Variants in GRM5 observed in about 807,000 individuals in gnomAD.
GRM5 encodes glutamate metabotropic receptor 5.
In GRM5, 19 loss-of-function variants were observed where a neutral mutation model predicts 83.1. The observed-to-expected ratio is 0.23, with a 90% CI of 0.16 to 0.34. The LOEUF (loss-of-function observed/expected upper bound fraction) is 0.34, where lower values mean the gene tolerates loss of function less well. GRM5 is among the 10% of genes least tolerant of loss of function. The pLI is 1.00. For synonymous variants in GRM5, 675 were observed against 633.6 expected (o/e 1.07, Z -0.98); for missense variants, 1,160 against 1,588.3 (o/e 0.73, Z 4.58).
intron 3 of GRM5, among the ~76,000 whole-genome samples, chr11:88,775,337 T>C (rs553115628): frequency 6.6e-6 from 1 of 152,272 alleles, no homozygotes; most frequent in Non-Finnish European, 1.5e-5. Flanking sequence ...CTTTTCTCCT[T>C]TACTTGTCTT....
intron 2 of GRM5, among the ~76,000 whole-genome samples, chr11:89,011,737 A>G (rs1443615611): frequency 3.3e-5 from 5 of 152,212 alleles, no homozygotes; most frequent in Admixed American, 6.5e-5. Context: ...TGAATTGATT[A>G]TTAGGGGCCA....
At chr11:88,536,548 C>T (rs79561258) in intron 8 of GRM5, among the ~76,000 whole-genome samples, 2 of 152,216 alleles carry the variant, frequency 1.3e-5, no homozygotes, top group East Asian at 3.9e-4. Context: ...GTATCCACTC[C>T]CCCTTTGTAC....
At chr11:89,014,620 C>T (rs1396943573) in intron 2 of GRM5, among the ~76,000 whole-genome samples, 3 of 152,110 alleles carry the variant, frequency 2.0e-5, no homozygotes, top group African/African-American at 7.2e-5. Flanking sequence ...GATAGCACAA[C>T]AGGGTGACTA....
intron 2 of GRM5, among the ~76,000 whole-genome samples, chr11:88,852,768 G>T (rs189683510): frequency 2.2e-4 from 34 of 152,100 alleles, no homozygotes; most frequent in African/African-American, 5.5e-4. Flanking sequence ...TTTAACAAAA[G>T]AAATCCTTTG....
intron 4 of GRM5, among the ~76,000 whole-genome samples, chr11:88,611,291 T>C (rs1242581415): frequency 2.6e-5 from 4 of 152,208 alleles, no homozygotes; most frequent in African/African-American, 9.7e-5. Flanking sequence ...ATAGGACTGA[T>C]ACTAGCTCTT....
intron 8 of GRM5, among the ~76,000 whole-genome samples, chr11:88,553,481 T>G (rs1942558056): frequency 6.6e-6 from 1 of 152,132 alleles, no homozygotes; most frequent in Non-Finnish European, 1.5e-5. Context: ...CAGAGCACAA[T>G]GTCTGGTGTG....
chr11:89,033,133 TTAAC>T (rs1206767445), intron 2 of GRM5, among the ~76,000 whole-genome samples: 1 of 152,042 alleles, frequency 6.6e-6, no homozygotes, highest in Non-Finnish European at 1.5e-5. Flanking sequence ...ACAAAGTGCA[TTAAC>T]TGATTATTCA....
chr11:88,689,045 C>A (rs1940715823), intron 3 of GRM5, among the ~76,000 whole-genome samples: 1 of 152,028 alleles, frequency 6.6e-6, no homozygotes, highest in African/African-American at 2.4e-5. Flanking sequence ...CTCACAGAAT[C>A]TAGTACAGTA....
At position 88,570,475 on chromosome 11, in the gene GRM5, G is replaced by C. The variant is rs150361883; in HGVS notation, c.1691-2483C>G. On this transcript the variant is annotated intron_variant, in intron 7 of 9. Coordinates refer to ENST00000305447, the MANE Select transcript of GRM5 (RefSeq NM_001143831.3). ...TTGGAATTCAACCTCTGATACTTTAGTATGCCATAGAGTTTAGGCTTATAT... is the reference window on the plus strand; with the variant it reads ...TTGGAATTCAACCTCTGATACTTTACTATGCCATAGAGTTTAGGCTTATAT... Among the ~76,000 whole-genome samples the C allele has an allele frequency of 1.8e-3, 255 of 144,434 alleles. 1 individual carries two copies. Among genetic ancestry groups the C allele is most frequent in the African/African-American group, 6.2e-3 (238 of 38,392 alleles). 94.8% of individuals were successfully genotyped at this position (144,434 alleles called of 152,430 possible).
At chr11:88,544,122 C>T (rs540230561) in intron 8 of GRM5, among the ~76,000 whole-genome samples, 33 of 152,242 alleles carry the variant, frequency 2.2e-4, no homozygotes, top group Admixed American at 5.2e-4. Context: ...CTTGCCCTTC[C>T]ACCATGGGAT....
chr11:88,812,776 A>G (rs1369887042), intron 3 of GRM5, among the ~76,000 whole-genome samples: 2 of 152,174 alleles, frequency 1.3e-5, no homozygotes, highest in Non-Finnish European at 2.9e-5. Context: ...GAAAACTTTG[A>G]GCTCCAAGAA....
intron 1 of GRM5, among the ~76,000 whole-genome samples, chr11:89,050,182 G>A (rs948664211): frequency 1.3e-5 from 2 of 152,086 alleles, no homozygotes; most frequent in African/African-American, 4.8e-5. Flanking sequence ...GCCTTTTGAA[G>A]GTATGCGAAG....
chr11:89,031,958 A>C (rs1388343793), intron 2 of GRM5, among the ~76,000 whole-genome samples: 1 of 152,096 alleles, frequency 6.6e-6, no homozygotes, highest in East Asian at 1.9e-4. Flanking sequence ...AAAAATAAGA[A>C]AAATAGTATT....
At chr11:88,607,017 A>G (rs1274240734) in intron 4 of GRM5, among the ~76,000 whole-genome samples, 2 of 151,742 alleles carry the variant, frequency 1.3e-5, no homozygotes, top group Non-Finnish European at 2.9e-5. Context: ...TGGCTTCCCA[A>G]ATTGTAGAGG....
At chr11:88,899,820 C>A (rs987702356) in intron 2 of GRM5, among the ~76,000 whole-genome samples, 3 of 151,982 alleles carry the variant, frequency 2.0e-5, no homozygotes, top group Non-Finnish European at 2.9e-5. Context: ...TAAGGCAGTG[C>A]AAAAGCTTTG....
rs7924935 is a variant in GRM5, at chr11:88,869,886, G to A, written c.662-19731C>T. 2.4e-3 allele frequency among the ~76,000 whole-genome samples: 358 copies of A among 151,584 alleles called. 2 individuals carry two copies. Among genetic ancestry groups the A allele is most frequent in the African/African-American group, 8.3e-3 (346 of 41,458 alleles). ...TAAAATCCCTGGTTATATTTTTTTA[G>A]TGGCCCCTACTATATCCCTGTTTTT... On this transcript the variant is annotated intron_variant, in intron 2 of 9. Transcript: ENST00000305447.
chr11:88,589,373 A>G (rs1937602804), intron 7 of GRM5, among the ~76,000 whole-genome samples: 1 of 152,164 alleles, frequency 6.6e-6, no homozygotes, highest in Non-Finnish European at 1.5e-5. Context: ...TAAGATTCAA[A>G]TGCGATCAAA....
chr11:88,886,273 G>A (rs1354207489), intron 2 of GRM5, among the ~76,000 whole-genome samples: 1 of 152,088 alleles, frequency 6.6e-6, no homozygotes, highest in African/African-American at 2.4e-5. Context: ...GACAAACCCT[G>A]GGTTTACACC....
chr11:88,586,366 T>A (rs1449399111), intron 7 of GRM5, among the ~76,000 whole-genome samples: 1 of 152,222 alleles, frequency 6.6e-6, no homozygotes, highest in Non-Finnish European at 1.5e-5. Context: ...GCTGATAATC[T>A]TATAGGATTG....
Sources: gnomAD v4.1 joint callset for allele counts (sites outside exome capture counted in the v4.1 genomes callset) on GRCh38, gnomAD v4.1.1 for gene constraint, MANE v1.5 for transcripts, NCBI Gene and HGNC (gene_info 2026-07-23, HGNC 2026-07-21) for gene names.